LARGE1: variants seen among roughly 807,000 people sequenced by gnomAD.
LARGE1 encodes the protein LARGE xylosyl- and glucuronyltransferase 1.
A neutral mutation model predicts 87.6 loss-of-function variants in LARGE1; 43 were observed. The ratio of observed to expected loss-of-function variants is 0.49; its 90% CI spans 0.38 to 0.63. The LOEUF is 0.63. LARGE1 is among the 30% of genes least tolerant of loss of function. The pLI is 0.00. For missense variants in LARGE1, 802 were observed against 1,000.2 expected, an observed-to-expected ratio of 0.80 and a Z score of 2.67; for synonymous variants, 434 against 394.6, an observed-to-expected ratio of 1.10 and a Z score of -1.18.
At chr22:33,893,466 G>A (rs567856912) in intron 1 of LARGE1, among the ~76,000 whole-genome samples, 26 of 152,298 alleles carry the variant, frequency 1.7e-4, no homozygotes, top group South Asian at 8.3e-4. Context: ...AAACCCTGCC[G>A]TCATCAGCTC....
At chr22:33,200,031 T>G (rs1924298098) in intron 11 of LARGE1, among the ~76,000 whole-genome samples, 1 of 152,002 alleles carries the variant, frequency 6.6e-6, no homozygotes, top group South Asian at 2.1e-4. Context: ...GTATTTTTAG[T>G]AGAGATGGGG....
chr22:33,550,176 C>CAT lies in LARGE1; in HGVS notation c.787+14670_787+14671dup, dbSNP rs56762247. Reference sequence around the variant, plus strand: ...ACACACACACACACACACACACACACATATATATATATGTATGTATGTATA... The same window carrying CAT: ...ACACACACACACACACACACACACACATATATATATATATGTATGTATGTATA... On this transcript the variant is annotated intron_variant, in intron 6 of 14. Coordinates refer to ENST00000397394, the MANE Select transcript of LARGE1 (RefSeq NM_133642.5). 8.0e-3 allele frequency among the ~76,000 whole-genome samples: 965 copies of CAT among 120,548 alleles called. 8 individuals carry two copies. The highest frequency in any genetic ancestry group is 0.014 in the East Asian group (66 of 4,758). The allele number at this position is 120,548 out of a possible 152,430, so 79.1% of individuals were successfully genotyped here. A position where few individuals can be genotyped will look rare whatever the true frequency, so the allele number is the denominator to read the frequency against.
At chr22:33,653,841 T>C (rs1391668311) in intron 2 of LARGE1, among the ~76,000 whole-genome samples, 2 of 152,114 alleles carry the variant, frequency 1.3e-5, no homozygotes, top group Non-Finnish European at 1.5e-5. Flanking sequence ...TCCTTTGAGA[T>C]ATACTCCAAG....
rs116099893 is a variant in LARGE1, at chr22:33,806,378, C to G, written c.-82-44820G>C. ...GCAAGCTGCAGTCCAAAAGTCTGGC[C>G]TCCAGGGCAGCCTAGAGTCTCACCA... On this transcript the variant is annotated intron_variant, in intron 1 of 14. Coordinates refer to ENST00000397394, the MANE Select transcript of LARGE1 (RefSeq NM_133642.5). Among the ~76,000 whole-genome samples, 1,199 of 152,304 alleles carry G rather than the reference C, an allele frequency of 7.9e-3. 16 individuals carry two copies. The highest frequency in any genetic ancestry group is 0.027 in the African/African-American group (1,123 of 41,570).
At chr22:33,132,346 G>A in the LARGE1 span, among the ~76,000 whole-genome samples, 1 of 151,314 alleles carries the variant, frequency 6.6e-6, no homozygotes, top group Non-Finnish European at 1.5e-5. Context: ...ACCATGCCTC[G>A]CTAATTTTTG....
At chr22:33,110,122 T>A in the LARGE1 span, among the ~76,000 whole-genome samples, 1 of 152,254 alleles carries the variant, frequency 6.6e-6, no homozygotes, top group Non-Finnish European at 1.5e-5. Flanking sequence ...ACTGTCTGAC[T>A]ATTCCCATTT....
chr22:33,369,712 G>A (rs1381103540), intron 9 of LARGE1, among the ~76,000 whole-genome samples: 1 of 152,112 alleles, frequency 6.6e-6, no homozygotes, highest in African/African-American at 2.4e-5. Context: ...GGGATTACAG[G>A]TGCACATCAC....
chr22:33,097,295 G>A, the LARGE1 span, among the ~76,000 whole-genome samples: 53 of 152,320 alleles, frequency 3.5e-4, no homozygotes, highest in African/African-American at 1.3e-3. Flanking sequence ...AGAACCAGGA[G>A]AAAGCAACTC....
At chr22:33,685,946 A>G (rs1437945879) in intron 2 of LARGE1, among the ~76,000 whole-genome samples, 1 of 152,250 alleles carries the variant, frequency 6.6e-6, no homozygotes, top group Non-Finnish European at 1.5e-5. Context: ...AGAGACAAAC[A>G]TGCAGAGCAA....
chr22:33,218,467 C>T (rs1349211727), intron 11 of LARGE1, among the ~76,000 whole-genome samples: 1 of 152,134 alleles, frequency 6.6e-6, no homozygotes, highest in African/African-American at 2.4e-5. Flanking sequence ...TTGAAGTCTT[C>T]CCTGATTTCA....
chr22:33,490,620 A>T (rs564541521), intron 6 of LARGE1, among the ~76,000 whole-genome samples: 56 of 152,312 alleles, frequency 3.7e-4, no homozygotes, highest in Admixed American at 5.2e-4. Context: ...GAGTCAGATC[A>T]ATCTGATAGT....
chr22:33,399,508 G>T (rs1298841764), intron 7 of LARGE1, among the ~76,000 whole-genome samples: 1 of 152,122 alleles, frequency 6.6e-6, no homozygotes, highest in Non-Finnish European at 1.5e-5. Context: ...CCCAGTAATG[G>T]GATTGCTGGG....
intron 2 of LARGE1, among the ~76,000 whole-genome samples, chr22:33,691,379 C>G (rs1246372538): frequency 6.6e-6 from 1 of 151,962 alleles, no homozygotes; most frequent in Non-Finnish European, 1.5e-5. Flanking sequence ...TTTGTTGCTG[C>G]CCTAACACTA....
intron 6 of LARGE1, among the ~76,000 whole-genome samples, chr22:33,499,883 C>T (rs1047823455): frequency 6.6e-6 from 1 of 152,184 alleles, no homozygotes; most frequent in Non-Finnish European, 1.5e-5. Flanking sequence ...AAGCGACTCT[C>T]CTGCCTCAAT....
intron 11 of LARGE1, among the ~76,000 whole-genome samples, chr22:33,189,045 C>T (rs757708848): frequency 6.6e-6 from 1 of 151,902 alleles, no homozygotes; most frequent in Non-Finnish European, 1.5e-5. Context: ...GATCCCTGGG[C>T]AGAGCCAGAA....
At chr22:33,470,667 C>T in intron 6 of LARGE1, among the ~76,000 whole-genome samples, 1 of 152,232 alleles carries the variant, frequency 6.6e-6, no homozygotes, top group East Asian at 1.9e-4. Context: ...GCTGCCCTCA[C>T]CTTGTGAGTT....
chr22:33,906,594 G>A (rs1183178825), intron 1 of LARGE1, among the ~76,000 whole-genome samples: 1 of 152,206 alleles, frequency 6.6e-6, no homozygotes, highest in Non-Finnish European at 1.5e-5. Context: ...TGCTAAGGAA[G>A]GGGCCTTTCC....
intron 5 of LARGE1, among the ~76,000 whole-genome samples, chr22:33,602,249 G>T (rs1306263494): frequency 6.6e-6 from 1 of 152,004 alleles, no homozygotes; most frequent in Non-Finnish European, 1.5e-5. Context: ...ACCAGGATTT[G>T]AAATTAGTTT....
intron 2 of LARGE1, among the ~76,000 whole-genome samples, chr22:33,732,096 C>T (rs1273203622): frequency 6.6e-6 from 1 of 152,166 alleles, no homozygotes; most frequent in African/African-American, 2.4e-5. Context: ...ACGGAAACAA[C>T]AAGAGCTTCG....
Sources: allele counts gnomAD v4.1 joint callset (sites outside exome capture counted in the v4.1 genomes callset), GRCh38; gene constraint gnomAD v4.1.1; transcripts MANE v1.5; gene names NCBI Gene and HGNC (gene_info 2026-07-23, HGNC 2026-07-21).